The following NXNL2 variants were observed in gnomAD, a reference collection of about 807,000 sequenced individuals.
NXNL2 encodes the protein nucleoredoxin-like protein 2.
In NXNL2, 7 loss-of-function variants were observed where a neutral mutation model predicts 11.1. The observed-to-expected ratio is 0.63, with a 90% CI of 0.36 to 1.18. The LOEUF is 1.18. Ranked by LOEUF, NXNL2 falls within the 50% of genes most tolerant of loss-of-function variation. The pLI is 0.02. For synonymous variants in NXNL2, 109 were observed against 101.8 expected (o/e 1.07, Z -0.42); for missense variants, 233 against 217.7 (o/e 1.07, Z -0.44).
At chr9:88,541,310 G>C (rs1029751121) in intron 1 of NXNL2, among the ~76,000 whole-genome samples, 2 of 151,498 alleles carry the variant, frequency 1.3e-5, no homozygotes, top group Non-Finnish European at 2.9e-5. Flanking sequence ...ATCCAGGCTG[G>C]AGTGCAGTGG....
At chr9:88,547,530 TG>T (rs1449071638), downstream of NXNL2, among the ~76,000 whole-genome samples, 2 of 152,200 alleles carry the variant, frequency 1.3e-5, no homozygotes, top group Non-Finnish European at 2.9e-5. Flanking sequence ...TATGCTCTAT[TG>T]GGCTGGACTG....
intron 2 of NXNL2, among the ~76,000 whole-genome samples, chr9:88,574,012 A>T (rs1027880591): frequency 2.0e-5 from 3 of 152,244 alleles, no homozygotes; most frequent in African/African-American, 4.8e-5. Flanking sequence ...GAACATCTGT[A>T]TTCCTGCTGG....
chr9:88,559,699 T>A (rs1027900374), intron 1 of NXNL2, among the ~76,000 whole-genome samples: 2 of 152,200 alleles, frequency 1.3e-5, no homozygotes, highest in African/African-American at 4.8e-5. Flanking sequence ...CCAGTTTGTT[T>A]AAATCCCACA....
chr9:88,546,899 G>C (rs185690396), downstream of NXNL2, among the ~76,000 whole-genome samples: 14 of 152,288 alleles, frequency 9.2e-5, no homozygotes, highest in East Asian at 2.7e-3. Context: ...CCATCATCCT[G>C]AGGGAAAGCC....
At chr9:88,539,577 A>G (rs1829705742) in intron 1 of NXNL2, 1 of 152,190 alleles carries the variant, frequency 6.6e-6, no homozygotes, top group South Asian at 2.1e-4. Context: ...AAAATAACCC[A>G]TTTGCCAAAA....
intron 1 of NXNL2, among the ~76,000 whole-genome samples, chr9:88,542,908 G>A (rs1490511698): frequency 1.3e-5 from 2 of 152,058 alleles, no homozygotes; most frequent in African/African-American, 4.8e-5. Flanking sequence ...CCTTCCACTC[G>A]GGTTCACAAT....
At chr9:88,548,335 T>C (rs966726593), downstream of NXNL2, among the ~76,000 whole-genome samples, 1 of 81,116 alleles carries the variant, frequency 1.2e-5, no homozygotes, top group Non-Finnish European at 2.1e-5. Context: ...GGAAGACTTT[T>C]TCTCAAAAAA....
downstream of NXNL2, among the ~76,000 whole-genome samples, chr9:88,548,339 C>CAAAAAAAAAA (rs60796870): frequency 1.6e-4 from 5 of 31,068 alleles, 2 homozygotes; most frequent in African/African-American, 6.1e-4. Context: ...GACTTTTTCT[C>CAAAAAAAAAA]AAAAAAAAAA....
intron 2 of NXNL2, among the ~76,000 whole-genome samples, chr9:88,572,187 G>A (rs567120498): frequency 6.9e-4 from 105 of 152,290 alleles, no homozygotes; most frequent in African/African-American, 2.4e-3. Flanking sequence ...ACTTTTGTTA[G>A]TGTTGTTTCT....
At chr9:88,566,550 A>T (rs1464621820) in intron 1 of NXNL2, among the ~76,000 whole-genome samples, 1 of 152,138 alleles carries the variant, frequency 6.6e-6, no homozygotes, top group East Asian at 1.9e-4. Flanking sequence ...TGATCCACCC[A>T]GCTCGGCCTC....
At chr9:88,558,236 A>G (rs2883468) in intron 1 of NXNL2, among the ~76,000 whole-genome samples, 35,712 of 151,956 alleles carry the variant, frequency 0.24, 6,598 homozygotes, top group East Asian at 0.8. Context: ...CAATGATGTC[A>G]TCAGTCATGC....
intron 1 of NXNL2, among the ~76,000 whole-genome samples, chr9:88,569,242 G>C (rs1830224623): frequency 6.6e-6 from 1 of 152,152 alleles, no homozygotes; most frequent in Non-Finnish European, 1.5e-5. Context: ...ACTTGCTGGA[G>C]TTTTAATGTT....
intron 1 of NXNL2, among the ~76,000 whole-genome samples, chr9:88,537,649 G>A (rs1829656556): frequency 6.6e-6 from 1 of 152,300 alleles, no homozygotes; most frequent in African/African-American, 2.4e-5. Flanking sequence ...CAGGACCTTG[G>A]TGTTCCCATC....
intron 1 of NXNL2, among the ~76,000 whole-genome samples, chr9:88,556,283 G>C (rs756765366): frequency 6.6e-6 from 1 of 152,176 alleles, no homozygotes; most frequent in African/African-American, 2.4e-5. Flanking sequence ...ATGGCAGAGG[G>C]CAGGAGGGCT....
At chr9:88,550,463 A>G (rs1273008920) in intron 1 of NXNL2, among the ~76,000 whole-genome samples, 1 of 152,240 alleles carries the variant, frequency 6.6e-6, no homozygotes, top group Admixed American at 6.5e-5. Flanking sequence ...TTAATGGCTT[A>G]CATGTAAGGG....
intron 1 of NXNL2, among the ~76,000 whole-genome samples, chr9:88,564,289 C>CTATCTATCTAT (rs1564074708): frequency 7.0e-5 from 7 of 100,194 alleles, no homozygotes; most frequent in South Asian, 3.2e-4. Context: ...TATCTATTAT[C>CTATCTATCTAT]TATCTATCTA....
intron 1 of NXNL2, among the ~76,000 whole-genome samples, chr9:88,553,746 AT>A (rs980714335): frequency 1.3e-5 from 2 of 152,124 alleles, no homozygotes; most frequent in Non-Finnish European, 2.9e-5. Flanking sequence ...TTCCAGATAT[AT>A]TTACCTGGAA....
intron 1 of NXNL2, among the ~76,000 whole-genome samples, chr9:88,564,268 G>A (rs13290165): frequency 0.28 from 37,457 of 135,864 alleles, 7,704 homozygotes; most frequent in East Asian, 0.76. Flanking sequence ...CTATCTATCT[G>A]TCTATCTATC....
rs146738910 is a variant in NXNL2, at chr9:88,583,315, T to A, written n.552-684T>A. On this transcript the variant is annotated intron_variant and non_coding_transcript_variant, in intron 1 of 1. Transcript: ENST00000478686. ...TGTTATCTTCTTAGTTCCTTTGGAATATCAGGGTTCACTCTTTCAGCAGGG... is the reference window on the plus strand; with the variant it reads ...TGTTATCTTCTTAGTTCCTTTGGAAAATCAGGGTTCACTCTTTCAGCAGGG... Among the ~76,000 whole-genome samples, 791 of 152,336 alleles carry A rather than the reference T, an allele frequency of 5.2e-3. 6 individuals carry two copies. Among genetic ancestry groups the A allele is most frequent in the African/African-American group, 0.018 (743 of 41,574 alleles).
Sources: gnomAD v4.1 joint callset for allele counts (sites outside exome capture counted in the v4.1 genomes callset) on GRCh38, gnomAD v4.1.1 for gene constraint, MANE v1.5 for transcripts, NCBI Gene and HGNC (gene_info 2026-07-23, HGNC 2026-07-21) for gene names.